The following MT4 variants were observed in gnomAD, a reference collection of about 807,000 sequenced individuals.
MT4 encodes the protein metallothionein 4.
MT4 carries 11 observed loss-of-function variants against 9.5 expected under a neutral mutation model. The observed-to-expected ratio is 1.16, with a 90% CI of 0.73 to 1.92. The LOEUF is 1.92. Ranked by LOEUF, MT4 falls within the 30% of genes most tolerant of loss-of-function variation. The pLI is 0.00. For missense variants in MT4, 88 were observed against 78.7 expected, an observed-to-expected ratio of 1.12 and a Z score of -0.45; for synonymous variants, 29 against 24.6, an observed-to-expected ratio of 1.18 and a Z score of -0.53.
rs1307830126 is a variant in MT4 at position 56,568,209 on chromosome 16, GAGAGAGAAAGAA to G, written c.97+397_97+408del. On this transcript the variant is annotated intron_variant, in intron 2 of 2. Coordinates refer to ENST00000219162, the MANE Select transcript of MT4 (RefSeq NM_032935.3). ...GAAGGAAGGAAGGAAGAGAGAGAGAGAGAGAGAAAGAAAGAAAGAAAGAAAGAAAGAAAGAAA... is the reference window on the plus strand; with the variant it reads ...GAAGGAAGGAAGGAAGAGAGAGAGAGAGAAAGAAAGAAAGAAAGAAAGAAA... Among the ~76,000 whole-genome samples, 105 of 61,414 alleles carry G rather than the reference GAGAGAGAAAGAA, an allele frequency of 1.7e-3. 2 individuals are homozygous for G. Among genetic ancestry groups the G allele is most frequent in the Middle Eastern group, 0.015 (2 of 130 alleles). 40.3% of individuals were successfully genotyped at this position (61,414 alleles called of 152,430 possible). A position where few individuals can be genotyped will look rare whatever the true frequency, so the allele number is the denominator to read the frequency against.
chr16:56,568,164 GAAGGAAGGAAGA>G (rs764166541), intron 2 of MT4, among the ~76,000 whole-genome samples: 2 of 145,004 alleles, frequency 1.4e-5, no homozygotes, highest in Non-Finnish European at 3.0e-5. Flanking sequence ...AAAAGAAAAG[GAAGGAAGGAAGA>G]AAGGAAGGAA....
chr16:56,568,315 A>AAG (rs1555479713), intron 2 of MT4, among the ~76,000 whole-genome samples: 1 of 147,614 alleles, frequency 6.8e-6, no homozygotes, highest in Non-Finnish European at 1.5e-5. Flanking sequence ...GAAAGAAAGA[A>AAG]AGAAAGAAAG....
chr16:56,568,915 T>C lies in MT4; in HGVS notation c.172T>C (p.Cys58Arg), dbSNP rs757291370. 4 of 1,604,956 alleles carry C rather than the reference T, an allele frequency of 2.5e-6. No individual in the cohort carries two copies. In the Admixed American group the frequency reaches 6.8e-5, roughly 27 times the overall value. The change falls in exon 3 of 3, where the codon TGC becomes CGC. Residue 58 changes from cysteine (C) to arginine (R), a missense_variant. Transcript: ENST00000219162. ...CATCTGCAAAGGAGGCTCAGACAAG[T>C]GCAGCTGCTGCCCATGAAAGCCATC... Reference protein sequence around the residue: ...GCICKGGSDKCSCCP With the variant: ...GCICKGGSDKRSCCP
intron 2 of MT4, among the ~76,000 whole-genome samples, chr16:56,568,271 G>GAGAGAGAGAGAGAGAAAGAAAGAAAGAA (rs1567330643): frequency 3.4e-5 from 2 of 58,570 alleles, no homozygotes; most frequent in Admixed American, 2.0e-4. Context: ...GAGAGAGAGA[G>GAGAGAGAGAGAGAGAAAGAAAGAAAGAA]AGAAAGAAAG....
chr16:56,568,792 A>G (rs771377928), intron 2 of MT4, 49 bp from the exon 3 acceptor site: 3 of 1,324,686 alleles, frequency 2.3e-6, no homozygotes, highest in Non-Finnish European at 3.1e-6. Context: ...CAGTGGTGAG[A>G]TGGAAGTGTT....
rs1294456961 is a variant in MT4 at position 56,568,235 on chromosome 16, GAAAGAAAGAA to G, written c.97+421_97+430del. ...AGAGAGAAAGAAAGAAAGAAAGAAA[GAAAGAAAGAA>G]AGAAAGAAAGAAAGAGAGAGAGAGA... On this transcript the variant is annotated intron_variant, in intron 2 of 2. Transcript: ENST00000219162. Among the ~76,000 whole-genome samples, 302 of 45,662 alleles carry G rather than the reference GAAAGAAAGAA, an allele frequency of 6.6e-3. 1 individual carries two copies. Among genetic ancestry groups the G allele is most frequent in the Middle Eastern group, 0.053 (4 of 76 alleles). 30.0% of individuals were successfully genotyped at this position (45,662 alleles called of 152,430 possible).
chr16:56,568,231 GAAAGAAAGAAAGAA>G lies in MT4; in HGVS notation c.97+417_97+430del, dbSNP rs1487195500. On this transcript the variant is annotated intron_variant, in intron 2 of 2. Transcript: ENST00000219162. ...AGAGAGAGAGAAAGAAAGAAAGAAA[GAAAGAAAGAAAGAA>G]AGAAAGAAAGAAAGAGAGAGAGAGA... Among the ~76,000 whole-genome samples, 167 of 34,286 alleles carry G rather than the reference GAAAGAAAGAAAGAA, an allele frequency of 4.9e-3. 1 individual carries two copies. The highest frequency in any genetic ancestry group is 9.1e-3 in the East Asian group (13 of 1,434). The allele number at this position is 34,286 out of a possible 152,430, so 22.5% of individuals were successfully genotyped here. A position where few individuals can be genotyped will look rare whatever the true frequency, so the allele number is the denominator to read the frequency against.
chr16:56,567,425 G>A (rs757692233), intron 1 of MT4, among the ~76,000 whole-genome samples: 1 of 152,184 alleles, frequency 6.6e-6, no homozygotes, highest in Non-Finnish European at 1.5e-5. Flanking sequence ...TATTTGGGTT[G>A]CTTTTCAAAA....
At chr16:56,567,584 A>G (rs1250175645) in intron 1 of MT4, among the ~76,000 whole-genome samples, 167 bp from the exon 2 acceptor site, 2 of 152,160 alleles carry the variant, frequency 1.3e-5, no homozygotes, top group Non-Finnish European at 2.9e-5. Flanking sequence ...ACTATTGCAG[A>G]GTCCTTGACA....
At chr16:56,566,726 GAAA>G (rs1567329811) in intron 1 of MT4, among the ~76,000 whole-genome samples, 16 of 46,968 alleles carry the variant, frequency 3.4e-4, no homozygotes, top group South Asian at 3.4e-3. Context: ...AAGAAAGAAA[GAAA>G]GAAAGAAAGA....
intron 2 of MT4, among the ~76,000 whole-genome samples, chr16:56,568,215 GAA>G (rs760026718): frequency 0.13 from 2,845 of 22,270 alleles, 32 homozygotes; most frequent in East Asian, 0.23. Flanking sequence ...GAGAGAGAGA[GAA>G]AGAAAGAAAG....
At chr16:56,568,317 G>A (rs1462479672) in intron 2 of MT4, among the ~76,000 whole-genome samples, 1 of 148,300 alleles carries the variant, frequency 6.7e-6, no homozygotes, top group Admixed American at 6.7e-5. Flanking sequence ...AAGAAAGAAA[G>A]AAAGAAAGAA....
At chr16:56,567,558 T>C (rs1361239666) in intron 1 of MT4, among the ~76,000 whole-genome samples, 193 bp from the exon 2 acceptor site, 1 of 152,172 alleles carries the variant, frequency 6.6e-6, no homozygotes, top group Non-Finnish European at 1.5e-5. Context: ...TTCCCATCCA[T>C]GGCCTGTGAC....
Position 56,566,811 on chromosome 16 carries a change from AAAGAAAGAAAAGAAAGAAAGAAAG to A in MT4, c.32-937_32-914del, listed in dbSNP as rs1201306767. The stretch of plus-strand genomic sequence containing the variant: ...GAAAGAAAGAAAGAAAGAAAGAAAG[AAAGAAAGAAAAGAAAGAAAGAAAG>A]AAAGAAAGAAAGAAAGAAAGAAATG... On this transcript the variant is annotated intron_variant, in intron 1 of 2. Transcript: ENST00000219162. 5.5e-3 allele frequency among the ~76,000 whole-genome samples: 255 copies of A among 46,584 alleles called. 1 individual carries two copies. Among genetic ancestry groups the A allele is most frequent in the Admixed American group, 6.7e-3 (22 of 3,294 alleles). 30.6% of individuals were successfully genotyped at this position (46,584 alleles called of 152,430 possible).
At position 56,568,937 on chromosome 16, in the gene MT4, C is replaced by T. The variant is rs780366450; in HGVS notation, c.*5C>T. On this transcript the variant is annotated 3_prime_UTR_variant, in exon 3 of 3. Transcript: ENST00000219162. ...AAGTGCAGCTGCTGCCCATGAAAGC[C>T]ATCCATCGTGCCCACCCCTTCCAAG... 3.8e-6 allele frequency: 6 copies of T among 1,596,590 alleles called. No individual in the cohort carries two copies. In the African/African-American group the frequency reaches 6.7e-5, roughly 18 times the overall value.
chr16:56,568,742 A>G, intron 2 of MT4, 99 bp from the exon 3 acceptor site: 1 of 806,524 alleles, frequency 1.2e-6, no homozygotes, highest in Non-Finnish European at 1.9e-6. Context: ...CCTCATGCAC[A>G]CACCCCTCTT....
chr16:56,568,456 G>A (rs769780434), intron 2 of MT4, among the ~76,000 whole-genome samples: 2 of 151,932 alleles, frequency 1.3e-5, no homozygotes, highest in Admixed American at 6.5e-5. Context: ...GAGACCTATG[G>A]CAGGTCTCTA....
intron 1 of MT4, among the ~76,000 whole-genome samples, chr16:56,566,745 A>AGAAGGAAG (rs1567329865): frequency 2.2e-5 from 1 of 46,138 alleles, no homozygotes; most frequent in Non-Finnish European, 3.9e-5. Context: ...AAAGAAAGAA[A>AGAAGGAAG]GAAGGAAGGA....
At chr16:56,567,845 G>T (rs367818710) in intron 2 of MT4, 29 bp downstream of exon 2, 6 of 1,590,406 alleles carry the variant, frequency 3.8e-6, no homozygotes, top group African/African-American at 1.3e-5. Context: ...GGCACCATGG[G>T]CTGGGAGTTA....
Sources: allele counts gnomAD v4.1 joint callset (sites outside exome capture counted in the v4.1 genomes callset), GRCh38; gene constraint gnomAD v4.1.1; transcripts MANE v1.5; gene names NCBI Gene and HGNC (gene_info 2026-07-23, HGNC 2026-07-21).